Variants in PXK observed in about 807,000 individuals in gnomAD.
The protein encoded by PXK is PX domain-containing protein kinase-like protein.
PXK carries 35 observed loss-of-function variants against 84.7 expected under a neutral mutation model. The observed-to-expected ratio is 0.41, with a 90% CI of 0.32 to 0.55. The LOEUF is 0.55. PXK is among the 20% of genes least tolerant of loss of function. The pLI is 0.21. For missense variants in PXK, 634 were observed against 699.7 expected (o/e 0.91, Z 1.06); for synonymous variants, 253 against 260.8 (o/e 0.97, Z 0.29).
At chr3:58,422,604 AC>A in intron 17 of PXK, 1 of 985,246 alleles carries the variant, frequency 1.0e-6, no homozygotes, top group South Asian at 4.7e-5. Context: ...ACTGAACCCC[AC>A]CCTCAACTCC....
At chr3:58,359,042 C>T (rs1419363023) in intron 1 of PXK, among the ~76,000 whole-genome samples, 1 of 152,126 alleles carries the variant, frequency 6.6e-6, no homozygotes, top group Non-Finnish European at 1.5e-5. Flanking sequence ...CCAGCATGAA[C>T]AAAGCACGGG....
chr3:58,408,831 C>G (rs562959826), intron 13 of PXK, 93 bp from the exon 14 acceptor site: 2 of 1,019,306 alleles, frequency 2.0e-6, no homozygotes, highest in South Asian at 2.7e-5. Flanking sequence ...CGAAATGACT[C>G]TTGATAACCA....
chr3:58,390,520 T>C lies in PXK; in HGVS notation c.389-62T>C, dbSNP rs2098617348. On this transcript the variant is annotated intron_variant, in intron 4 of 17. Coordinates refer to ENST00000356151, the MANE Select transcript of PXK (RefSeq NM_017771.5). The surrounding 1 kb of genome is among the most constrained non-coding windows in gnomAD (Gnocchi z 4.2). ...AGGGATTTCATTTACAAGAATAATA[T>C]CTTCAGCATATGGCCCTTTCCTGAT... 8.0e-7 allele frequency: 1 copy of C among 1,243,506 alleles called. No homozygotes were observed. Among genetic ancestry groups the C allele is most frequent in the Admixed American group, 2.0e-5 (1 of 50,560 alleles). The allele number at this position is 1,243,506 out of a possible 1,614,324, so 77.0% of individuals were successfully genotyped here.
rs1299819906 is a variant in PXK at position 58,364,312 on chromosome 3, GATTCTTCTTAAGACACTTAGTAGA to G, written c.103-1556_103-1533del. The stretch of plus-strand genomic sequence containing the variant: ...GAAGAGTTTGTAGAGAATTGGTGTT[GATTCTTCTTAAGACACTTAGTAGA>G]ATTCTCCAGTGAAACCATTGGGCCT... On this transcript the variant is annotated intron_variant, in intron 1 of 17. Coordinates refer to ENST00000356151, the MANE Select transcript of PXK (RefSeq NM_017771.5). This position sits in a 1 kb window ranked among gnomAD's most constrained non-coding sequence, Gnocchi z 4.3. Among the ~76,000 whole-genome samples, 1 of 152,048 alleles carries G rather than the reference GATTCTTCTTAAGACACTTAGTAGA, an allele frequency of 6.6e-6. No homozygotes were observed. The highest frequency in any genetic ancestry group is 1.9e-4 in the East Asian group (1 of 5,200).
At position 58,412,752 on chromosome 3, in the gene PXK, C is replaced by G. The variant is rs544992536; in HGVS notation, c.1466-149C>G. On this transcript the variant is annotated intron_variant, in intron 16 of 17. Coordinates refer to ENST00000356151, the MANE Select transcript of PXK (RefSeq NM_017771.5). The surrounding 1 kb of genome is among the most constrained non-coding windows in gnomAD (Gnocchi z 6.2). ...AAAAGCCTGTCACTGGGTCCGGTCT[C>G]TGAGTTTTTTGTCCCTCATCATCTT... 1 of 766,992 alleles carries G rather than the reference C, an allele frequency of 1.3e-6. No homozygotes were observed. Among genetic ancestry groups the G allele is most frequent in the South Asian group, 1.6e-5 (1 of 62,400 alleles). The allele number at this position is 766,992 out of a possible 1,614,324, so 47.5% of individuals were successfully genotyped here.
At chr3:58,387,239 C>T (rs1180224348) in intron 4 of PXK, among the ~76,000 whole-genome samples, 2 of 152,198 alleles carry the variant, frequency 1.3e-5, no homozygotes, top group Non-Finnish European at 2.9e-5. Flanking sequence ...GCAGTTTTTC[C>T]ACATGTGTCA....
intron 13 of PXK, among the ~76,000 whole-genome samples, chr3:58,408,669 C>T (rs935307428): frequency 6.6e-6 from 1 of 151,986 alleles, no homozygotes; most frequent in African/African-American, 2.4e-5. Flanking sequence ...ACTACAGGCG[C>T]CCACCACCAC....
At chr3:58,393,021 T>C (rs1238760250) in intron 7 of PXK, among the ~76,000 whole-genome samples, 1 of 152,076 alleles carries the variant, frequency 6.6e-6, no homozygotes, top group Non-Finnish European at 1.5e-5. Flanking sequence ...TGGTGCATAT[T>C]AATTGTAGCA....
Position 58,333,014 on chromosome 3 carries a change from C to T in PXK, c.26C>T (p.Ala9Val). 1 of 1,370,732 alleles carries T rather than the reference C, an allele frequency of 7.3e-7. No homozygotes were observed. The allele number at this position is 1,370,732 out of a possible 1,614,324, so 84.9% of individuals were successfully genotyped here. The change falls in exon 1 of 18, where the codon GCC (alanine) becomes GTC (valine). Residue 9 changes from alanine (A) to valine (V), a missense_variant. This residue lies in a region of PXK where 353 missense variants were observed against 385.2 expected (regional missense o/e 0.92). Coordinates refer to ENST00000356151, the MANE Select transcript of PXK (RefSeq NM_017771.5). This position sits in a 1 kb window ranked among gnomAD's most constrained non-coding sequence, Gnocchi z 5.4. MAFMEKPP[A>V]GKVLLDDTVP... ...ATGGCCTTCATGGAGAAGCCGCCAG[C>T]CGGCAAGGTGCTGCTGGACGACACG...
rs548512771 is a variant in PXK at position 58,414,120 on chromosome 3, C to G, written c.1528+1157C>G. The G allele has an allele frequency of 6.6e-6, 1 of 151,714 alleles. No individual in the cohort carries two copies. Among genetic ancestry groups the G allele is most frequent in the Non-Finnish European group, 1.5e-5 (1 of 67,878 alleles). 9.4% of individuals were successfully genotyped at this position (151,714 alleles called of 1,614,324 possible). ...AATGTTGATCAAGACAGAAAATAGG[C>G]CTTTTTTGTCTTTTATGGAGATACA... On this transcript the variant is annotated intron_variant, in intron 17 of 17. Transcript: ENST00000356151. This position sits in a 1 kb window ranked among gnomAD's most constrained non-coding sequence, Gnocchi z 4.5.
Position 58,333,607 on chromosome 3 carries a change from C to G in PXK, c.102+517C>G, listed in dbSNP as rs1340323451. The G allele has an allele frequency of 6.6e-6, 3 of 456,588 alleles. No homozygotes were observed. The East Asian group carries it at 2.1e-4, about 32-fold the overall frequency. 28.3% of individuals were successfully genotyped at this position (456,588 alleles called of 1,614,324 possible). A position where few individuals can be genotyped will look rare whatever the true frequency, so the allele number is the denominator to read the frequency against. On this transcript the variant is annotated intron_variant, in intron 1 of 17. Coordinates refer to ENST00000356151, the MANE Select transcript of PXK (RefSeq NM_017771.5). The surrounding 1 kb of genome is among the most constrained non-coding windows in gnomAD (Gnocchi z 5.4). ...ACAGCAGAGTGTAAGTGGCTGGGGT[C>G]TGCAGCCCCGTTTCCAGGTCAGCCG...
intron 3 of PXK, among the ~76,000 whole-genome samples, chr3:58,377,241 T>C (rs907927541): frequency 1.3e-5 from 2 of 151,760 alleles, no homozygotes; most frequent in African/African-American, 4.9e-5. Context: ...TCTTGTCCAG[T>C]ATCAAGTTCA....
At position 58,416,172 on chromosome 3, in the gene PXK, A is replaced by G. The variant is rs922428063; in HGVS notation, c.1528+3209A>G. Among the ~76,000 whole-genome samples the G allele has an allele frequency of 6.6e-6, 1 of 152,212 alleles. No homozygotes were observed. Among genetic ancestry groups the G allele is most frequent in the Non-Finnish European group, 1.5e-5 (1 of 68,036 alleles). ...GGCCTGAGCCTTTGAAAGACAACTC[A>G]GGGACATATGTTAAGATCTTATCTT... On this transcript the variant is annotated intron_variant, in intron 17 of 17. Transcript: ENST00000356151. This position sits in a 1 kb window ranked among gnomAD's most constrained non-coding sequence, Gnocchi z 4.8.
Position 58,406,528 on chromosome 3 carries a change from G to T in PXK, c.1231-2396G>T, listed in dbSNP as rs561315718. Among the ~76,000 whole-genome samples, 15 of 152,168 alleles carry T rather than the reference G, an allele frequency of 9.9e-5. No individual in the cohort carries two copies. In the South Asian group the frequency reaches 2.9e-3, roughly 29 times the overall value. The stretch of plus-strand genomic sequence containing the variant: ...TTGGCCCCAAGTGGCCTCCCAAAGT[G>T]CTGGGATTACAGGTGTGAGCCACTG... On this transcript the variant is annotated intron_variant, in intron 13 of 17. Transcript: ENST00000356151.
At chr3:58,410,387 T>C (rs62258126) in intron 16 of PXK, among the ~76,000 whole-genome samples, 45,109 of 152,186 alleles carry the variant, frequency 0.3, 7,448 homozygotes, top group Middle Eastern at 0.39. Flanking sequence ...GCTCACCTTC[T>C]TCACTGATGG....
In PXK at chr3:58,399,512, C is replaced by T. The variant is rs771385801; in HGVS notation, c.1181+135C>T. ...TTGGCGTGGCCTGCTTGCTGATGGG[C>T]ACTTGCAGCATGATATCCTCACCCT... On this transcript the variant is annotated intron_variant, in intron 12 of 17. Transcript: ENST00000356151. The surrounding 1 kb of genome is among the most constrained non-coding windows in gnomAD (Gnocchi z 4.3). 8.8e-6 allele frequency: 7 copies of T among 793,268 alleles called. No homozygotes were observed. Among genetic ancestry groups the T allele is most frequent in the East Asian group, 8.0e-5 (3 of 37,416 alleles). 49.1% of individuals were successfully genotyped at this position (793,268 alleles called of 1,614,324 possible).
In PXK at chr3:58,364,370, A is replaced by T. The variant is rs1315517409; in HGVS notation, c.103-1504A>T. Among the ~76,000 whole-genome samples the T allele has an allele frequency of 6.6e-6, 1 of 151,902 alleles. No homozygotes were observed. Among genetic ancestry groups the T allele is most frequent in the African/African-American group, 2.4e-5 (1 of 41,284 alleles). On this transcript the variant is annotated intron_variant, in intron 1 of 17. Transcript: ENST00000356151. The surrounding 1 kb of genome is among the most constrained non-coding windows in gnomAD (Gnocchi z 4.3). ...GTGAAACCATTGGGCCTTGATACAT[A>T]TTTGGCGGGGGGAGGGGAGCGGAGT...
intron 15 of PXK, 36 bp from the exon 16 acceptor site, chr3:58,410,054 C>CAA: frequency 2.2e-6 from 3 of 1,363,504 alleles, no homozygotes; most frequent in Non-Finnish European, 3.1e-6. Flanking sequence ...CTTTGCTTTC[C>CAA]TCTCCCTCCC....
chr3:58,399,391 A>G lies in PXK; in HGVS notation c.1181+14A>G. The G allele has an allele frequency of 1.9e-6, 3 of 1,603,172 alleles. No homozygotes were observed. The highest frequency in any genetic ancestry group is 8.5e-7 in the Non-Finnish European group (1 of 1,170,208). ...CTTACAGATGCCGTAAGTCAATCATATGCGTTGGTTGTAATCTTGATAACT... is the reference window on the plus strand; with the variant it reads ...CTTACAGATGCCGTAAGTCAATCATGTGCGTTGGTTGTAATCTTGATAACT... On this transcript the variant is annotated intron_variant, in intron 12 of 17. Transcript: ENST00000356151. This position sits in a 1 kb window ranked among gnomAD's most constrained non-coding sequence, Gnocchi z 4.3.
Sources: allele counts gnomAD v4.1 joint callset (sites outside exome capture counted in the v4.1 genomes callset), GRCh38; gene constraint gnomAD v4.1.1; regional missense constraint gnomAD v4.1.1; non-coding constraint Gnocchi (gnomAD v3.1); transcripts MANE v1.5; gene names NCBI Gene and HGNC (gene_info 2026-07-23, HGNC 2026-07-21).